Variants in GPM6B observed in about 807,000 individuals in gnomAD.
GPM6B encodes neuronal membrane glycoprotein M6-b.
In GPM6B, 4 loss-of-function variants were observed where a neutral mutation model predicts 27.2. That is an observed-to-expected ratio of 0.15 (90% CI 0.07 to 0.34). GPM6B has a LOEUF of 0.34. GPM6B is among the 10% of genes least tolerant of loss of function. The pLI is 1.00. For synonymous variants in GPM6B, 124 were observed against 103.1 expected (o/e 1.20, Z -1.23); for missense variants, 183 against 261.9 (o/e 0.70, Z 2.08).
At chrX:13,865,740 G>T (rs752647514) in intron 1 of GPM6B, among the ~76,000 whole-genome samples, 1 of 106,928 alleles carries the variant, frequency 9.4e-6, no homozygotes, top group South Asian at 4.1e-4. Flanking sequence ...CTGGGTGACA[G>T]AGCAAGACCC....
intron 1 of GPM6B, among the ~76,000 whole-genome samples, chrX:13,859,039 G>A (rs1221238704): frequency 1.8e-5 from 2 of 112,641 alleles, no homozygotes; most frequent in Non-Finnish European, 3.7e-5. Context: ...ATATGAGAAA[G>A]TCTAATGTTA....
At chrX:13,914,768 A>T (rs2050412047) in intron 1 of GPM6B, among the ~76,000 whole-genome samples, 1 of 111,983 alleles carries the variant, frequency 8.9e-6, no homozygotes, top group African/African-American at 3.3e-5. Flanking sequence ...TTACAAAAGC[A>T]TCCATACAGC....
At chrX:13,794,107 A>G (rs1279608925) in intron 2 of GPM6B, among the ~76,000 whole-genome samples, 1 of 111,353 alleles carries the variant, frequency 9.0e-6, no homozygotes, top group Admixed American at 9.5e-5. Context: ...AGTTGTTGCC[A>G]CAGGTATTTA....
chrX:13,779,714 CAG>C (rs971894218), intron 5 of GPM6B, 102 bp downstream of exon 5: 1 of 645,863 alleles, frequency 1.5e-6, no homozygotes. Context: ...AGGGATGAAA[CAG>C]ATCATGACAA....
chrX:13,892,764 A>T (rs1352034977), intron 1 of GPM6B, among the ~76,000 whole-genome samples: 1 of 111,864 alleles, frequency 8.9e-6, no homozygotes, highest in Non-Finnish European at 1.9e-5. Context: ...CCCTCCTCTG[A>T]AAAGCTCTTT....
intron 7 of GPM6B, 158 bp from the exon 8 acceptor site, chrX:13,773,188 T>C (rs1177590913): frequency 5.0e-6 from 2 of 403,921 alleles, no homozygotes; most frequent in Non-Finnish European, 8.3e-6. Context: ...CCTGAAAGCA[T>C]GCTCTACTAG....
At chrX:13,843,640 G>C (rs2049608068) in intron 1 of GPM6B, among the ~76,000 whole-genome samples, 1 of 112,323 alleles carries the variant, frequency 8.9e-6, no homozygotes, top group South Asian at 3.7e-4. Flanking sequence ...ATGATAGTGG[G>C]TGTGAAGTGA....
At chrX:13,864,684 T>G (rs2049889801) in intron 1 of GPM6B, among the ~76,000 whole-genome samples, 1 of 111,244 alleles carries the variant, frequency 9.0e-6, no homozygotes, top group Non-Finnish European at 1.9e-5. Context: ...GAAGTTAGAG[T>G]GGCTTATGGG....
At chrX:13,790,242 T>C (rs1346679758) in intron 2 of GPM6B, among the ~76,000 whole-genome samples, 5 of 112,093 alleles carry the variant, frequency 4.5e-5, no homozygotes, top group Non-Finnish European at 7.5e-5. Flanking sequence ...GATCTGTAGC[T>C]GAGAAGAGCT....
At chrX:13,922,063 C>T (rs1920984771) in intron 1 of GPM6B, among the ~76,000 whole-genome samples, 1 of 111,589 alleles carries the variant, frequency 9.0e-6, no homozygotes, top group African/African-American at 3.3e-5. Context: ...GCTGCTTCCA[C>T]CCTGGCCCTG....
intron 1 of GPM6B, among the ~76,000 whole-genome samples, chrX:13,921,668 C>T (rs1920978517): frequency 9.2e-6 from 1 of 109,187 alleles, no homozygotes; most frequent in African/African-American, 3.3e-5. Context: ...CTCCGCCTCG[C>T]GAGTTCAAGC....
chrX:13,785,724 G>A lies in GPM6B; in HGVS notation c.266C>T (p.Ala89Val). Reference protein sequence around the residue: ...VATILCFSGVALFCGCGHVAL... With the variant: ...VATILCFSGVVLFCGCGHVAL... ...CACATGCCCACAGCCGCAGAATAAG[G>A]CCACCCCGGAGAAGCAGAGGATGGT... The change falls in exon 3 of 8, where the codon GCC becomes GTC. Residue 89 changes from alanine (A) to valine (V), a missense_variant. Transcript: ENST00000316715. The A allele has an allele frequency of 8.3e-7, 1 of 1,211,392 alleles. No individual in the cohort carries two copies. The highest frequency in any genetic ancestry group is 1.1e-6 in the Non-Finnish European group (1 of 894,995).
intron 1 of GPM6B, among the ~76,000 whole-genome samples, chrX:13,839,775 T>G (rs936913044): frequency 1.8e-5 from 2 of 112,169 alleles, no homozygotes; most frequent in African/African-American, 6.5e-5. Context: ...ATTTCATTTA[T>G]AGATTTAATG....
intron 1 of GPM6B, among the ~76,000 whole-genome samples, chrX:13,847,472 C>T (rs969300375): frequency 8.9e-6 from 1 of 111,825 alleles, no homozygotes; most frequent in Non-Finnish European, 1.9e-5. Flanking sequence ...AGTTTGAATA[C>T]AAGAAATATG....
chrX:13,862,613 A>G (rs975509662), intron 1 of GPM6B, among the ~76,000 whole-genome samples: 1 of 112,584 alleles, frequency 8.9e-6, no homozygotes, highest in African/African-American at 3.2e-5. Context: ...ATAAGCAATG[A>G]GAAAAGTATT....
intron 1 of GPM6B, among the ~76,000 whole-genome samples, chrX:13,912,812 C>T (rs777763141): frequency 5.4e-5 from 6 of 111,762 alleles, no homozygotes; most frequent in Non-Finnish European, 1.1e-4. Context: ...GCACTTGATA[C>T]AATCTTGGCT....
intron 1 of GPM6B, among the ~76,000 whole-genome samples, chrX:13,815,809 T>C (rs1005606454): frequency 1.4e-4 from 16 of 112,258 alleles, no homozygotes; most frequent in South Asian, 3.7e-4. Context: ...CAATTTCATA[T>C]GGTTCAGCCT....
chrX:13,924,795 G>C (rs1269467787), intron 1 of GPM6B, among the ~76,000 whole-genome samples: 1 of 111,405 alleles, frequency 9.0e-6, no homozygotes, highest in African/African-American at 3.3e-5. Context: ...GTGACTCCCA[G>C]GACTCATGGG....
At chrX:13,810,553 G>A (rs1043130001) in intron 1 of GPM6B, among the ~76,000 whole-genome samples, 1 of 110,790 alleles carries the variant, frequency 9.0e-6, no homozygotes, top group African/African-American at 3.3e-5. Flanking sequence ...ATGCAATTCA[G>A]GGTATCTCTG....
Sources: gnomAD v4.1 joint callset for allele counts (sites outside exome capture counted in the v4.1 genomes callset) on GRCh38, gnomAD v4.1.1 for gene constraint, MANE v1.5 for transcripts, NCBI Gene and HGNC (gene_info 2026-07-23, HGNC 2026-07-21) for gene names.